The following TRAF2 variants were observed in gnomAD, a reference collection of about 807,000 sequenced individuals.
TRAF2 encodes the protein TNF receptor associated factor 2, also known as TNF receptor-associated factor 2.
Under a neutral mutation model 55.6 loss-of-function variants are expected in TRAF2, and 6 were observed. The observed-to-expected ratio is 0.11, with a 90% confidence interval of 0.06 to 0.21. The LOEUF is 0.21. Among genes scored for constraint, TRAF2 ranks in the 10% least tolerant of loss-of-function variants. The pLI is 1.00. For synonymous variants in TRAF2, 329 were observed against 276.3 expected (o/e 1.19, Z -1.89); for missense variants, 561 against 684.5 (o/e 0.82, Z 2.01).
intron 4 of TRAF2, among the ~76,000 whole-genome samples, chr9:136,902,741 G>C (rs568789698): frequency 1.8e-4 from 27 of 152,276 alleles, no homozygotes; most frequent in Non-Finnish European, 2.5e-4. Context: ...AAATCAACCC[G>C]TCTATACAGT....
chr9:136,886,283 C>T (rs1222885761), upstream of TRAF2: 1 of 551,762 alleles, frequency 1.8e-6, no homozygotes, highest in Non-Finnish European at 2.3e-6. Flanking sequence ...GACTTAGGTA[C>T]CCACGCCGTC....
intron 4 of TRAF2, among the ~76,000 whole-genome samples, chr9:136,905,373 G>A (rs150817559): frequency 7.9e-5 from 12 of 152,344 alleles, no homozygotes; most frequent in African/African-American, 2.9e-4. Context: ...AAGACTGCGT[G>A]AATTCACTGA....
intron 7 of TRAF2, among the ~76,000 whole-genome samples, chr9:136,917,873 A>AC (rs1850278392): frequency 6.6e-6 from 1 of 151,964 alleles, no homozygotes; most frequent in South Asian, 2.1e-4. Flanking sequence ...CGTAGTGACC[A>AC]CCCGGGCCTC....
intron 9 of TRAF2, among the ~76,000 whole-genome samples, chr9:136,923,400 C>T (rs923112311): frequency 6.6e-6 from 1 of 151,964 alleles, no homozygotes; most frequent in African/African-American, 2.4e-5. Flanking sequence ...CGCCTGAGGG[C>T]AGGAGTTTGA....
chr9:136,916,476 C>G, intron 6 of TRAF2, 65 bp from the exon 7 acceptor site: 1 of 1,519,106 alleles, frequency 6.6e-7, no homozygotes, highest in Non-Finnish European at 9.1e-7. Context: ...CAGTGTGGTC[C>G]ATGTGGAAGT....
intron 9 of TRAF2, among the ~76,000 whole-genome samples, chr9:136,923,448 TAA>T (rs1850444617): frequency 6.6e-6 from 1 of 151,950 alleles, no homozygotes; most frequent in Non-Finnish European, 1.5e-5. Flanking sequence ...CCATCTCTAC[TAA>T]AAATACAAAA....
intron 7 of TRAF2, among the ~76,000 whole-genome samples, chr9:136,918,227 T>TATGTATA (rs1850286424): frequency 4.4e-5 from 3 of 68,078 alleles, no homozygotes; most frequent in African/African-American, 2.4e-4. Context: ...AGTGTTTTGT[T>TATGTATA]TATATATATA....
chr9:136,912,305 G>A (rs931894612), intron 6 of TRAF2, among the ~76,000 whole-genome samples: 3 of 151,628 alleles, frequency 2.0e-5, no homozygotes, highest in African/African-American at 7.3e-5. Flanking sequence ...GGGATTACTG[G>A]CACCTGCCAC....
At chr9:136,884,052 T>C (rs984516361), upstream of TRAF2, among the ~76,000 whole-genome samples, 1 of 151,642 alleles carries the variant, frequency 6.6e-6, no homozygotes. Context: ...CTCGATCTCT[T>C]GACCTCATGA....
intron 6 of TRAF2, among the ~76,000 whole-genome samples, chr9:136,915,928 C>T (rs920962795): frequency 6.6e-6 from 1 of 152,038 alleles, no homozygotes; most frequent in African/African-American, 2.4e-5. Context: ...GTTTGGTTTT[C>T]TCACACTCAG....
intron 1 of TRAF2, among the ~76,000 whole-genome samples, chr9:136,892,419 G>A (rs1654624266): frequency 6.6e-6 from 1 of 151,804 alleles, no homozygotes; most frequent in Non-Finnish European, 1.5e-5. Context: ...AGCCAAGATC[G>A]CGCCACTGCA....
intron 9 of TRAF2, chr9:136,922,305 G>GC (rs1279630791): frequency 6.6e-6 from 1 of 152,298 alleles, no homozygotes; most frequent in Non-Finnish European, 1.5e-5. Context: ...AGTCTGGGCA[G>GC]CCTGCAGGGC....
rs373495709 is a variant in TRAF2, at chr9:136,904,388, G to T, written c.367-3682G>T. On this transcript the variant is annotated intron_variant, in intron 4 of 10. Transcript: ENST00000247668. ...CCCGGCCATTTTACTATGTTTTAAAGAACAGTCTTTTTTATTTTTATTTTT... is the reference window on the plus strand; with the variant it reads ...CCCGGCCATTTTACTATGTTTTAAATAACAGTCTTTTTTATTTTTATTTTT... 2.7e-4 allele frequency among the ~76,000 whole-genome samples: 41 copies of T among 151,880 alleles called. 1 individual carries two copies. The South Asian group carries it at 8.1e-3, about 30-fold the overall frequency.
rs534452015 is a variant in TRAF2 at position 136,901,738 on chromosome 9, C to T, written c.366+1218C>T. On this transcript the variant is annotated intron_variant, in intron 4 of 10. Coordinates refer to ENST00000247668, the MANE Select transcript of TRAF2 (RefSeq NM_021138.4). ...TTTCTGCACTTAGGGGAGCTTCCTG[C>T]CCGGGCCAGAGCTGGGATCTCCTGC... Among the ~76,000 whole-genome samples the T allele has an allele frequency of 4.6e-5, 7 of 152,300 alleles. No individual in the cohort carries two copies. The East Asian group carries it at 1.4e-3, about 29-fold the overall frequency.
Position 136,921,101 on chromosome 9 carries a change from G to A in TRAF2, c.1024G>A (p.Val342Ile). 1 of 1,614,104 alleles carries A rather than the reference G, an allele frequency of 6.2e-7. No individual in the cohort carries two copies. Among genetic ancestry groups the A allele is most frequent in the South Asian group, 1.1e-5 (1 of 91,086 alleles). Residue 342 changes from valine to isoleucine, a missense_variant, in exon 9 of 11, where the codon GTC becomes ATC. By Grantham distance (29) the Val-to-Ile change is conservative (BLOSUM62 3). Around this residue, in one of 2 missense-constraint regions of TRAF2, gnomAD observed 426 missense variants for 476.8 expected, o/e 0.89. Transcript: ENST00000247668. ...GGCGATGGCTGACTTGGAGCAGAAG[G>A]TCTTGGAGATGGAGGCATCCACCTA... The part of the protein sequence containing the change: ...DLAMADLEQK[V>I]LEMEASTYDG...
chr9:136,924,418 C>T (rs977844585), intron 10 of TRAF2, among the ~76,000 whole-genome samples: 20 of 151,796 alleles, frequency 1.3e-4, no homozygotes, highest in East Asian at 1.9e-4. Flanking sequence ...AAAAATTAGC[C>T]GGGCATGGTG....
chr9:136,902,991 C>CA (rs10655328), intron 4 of TRAF2, among the ~76,000 whole-genome samples: 1 of 151,810 alleles, frequency 6.6e-6, no homozygotes, highest in Non-Finnish European at 1.5e-5. Context: ...TTTTTTGAGA[C>CA]GGTCTTGCTC....
intron 1 of TRAF2, among the ~76,000 whole-genome samples, chr9:136,887,175 G>A (rs977124259): frequency 6.6e-6 from 1 of 152,226 alleles, no homozygotes; most frequent in African/African-American, 2.4e-5. Flanking sequence ...CAAGGAGCCA[G>A]TGCGGGGATG....
At chr9:136,910,227 T>C (rs4880158) in intron 6 of TRAF2, 450,786 of 586,518 alleles carry the variant, frequency 0.77, 174,480 homozygotes, top group African/African-American at 0.89. Flanking sequence ...CCAGTGTACA[T>C]AGCTGCTTAC....
Sources: allele counts gnomAD v4.1 joint callset (sites outside exome capture counted in the v4.1 genomes callset), GRCh38; gene constraint gnomAD v4.1.1; regional missense constraint gnomAD v4.1.1; transcripts MANE v1.5; gene names NCBI Gene and HGNC (gene_info 2026-07-23, HGNC 2026-07-21).